The following SERPINF1 variants were observed in gnomAD, a reference collection of about 807,000 sequenced individuals.
The protein encoded by SERPINF1 is serpin family F member 1, also known as pigment epithelium-derived factor.
SERPINF1 carries 29 observed loss-of-function variants against 37.3 expected under a neutral mutation model. The ratio of observed to expected loss-of-function variants is 0.78; its 90% CI spans 0.58 to 1.06. The LOEUF (loss-of-function observed/expected upper bound fraction) is 1.06, where lower values mean the gene tolerates loss of function less well. Ranked by LOEUF, SERPINF1 falls within the 50% of genes least tolerant of loss-of-function variation. SERPINF1 has a pLI of 0.00. For missense variants in SERPINF1, 553 were observed against 532.2 expected (o/e 1.04, Z -0.38); for synonymous variants, 281 against 227.9 (o/e 1.23, Z -2.10).
intron 6 of SERPINF1, 46 bp from the exon 7 acceptor site, chr17:1,776,486 T>A: frequency 6.3e-7 from 1 of 1,591,788 alleles, no homozygotes; most frequent in South Asian, 1.1e-5. Flanking sequence ...TGTCCCCGGC[T>A]TTTGGGCTCT....
At chr17:1,770,451 T>G in intron 3 of SERPINF1, 1 of 201,378 alleles carries the variant, frequency 5.0e-6, no homozygotes, top group Non-Finnish European at 9.0e-6. Flanking sequence ...TACAGAATAG[T>G]CTTTTTTTTT....
At chr17:1,771,692 C>T in intron 4 of SERPINF1, 180 bp from the exon 5 acceptor site, 1 of 668,510 alleles carries the variant, frequency 1.5e-6, no homozygotes, top group Non-Finnish European at 2.7e-6. Flanking sequence ...GGGAAATCTG[C>T]TGCCCCCCTG....
At position 1,766,952 on chromosome 17, in the gene SERPINF1, C is replaced by G; in HGVS notation, c.42C>G (p.Leu14=). Residue 14 remains leucine, a synonymous_variant, in exon 2 of 8, where the codon CTC becomes CTG. Transcript: ENST00000254722. ...LVLLLCIGAL[L]GHSSCQNPAS... ...TACTCCTCTGCATTGGAGCCCTCCT[C>G]GGGCACAGCAGCTGCCAGAACCCTG... 6.4e-7 allele frequency: 1 copy of G among 1,564,374 alleles called. No individual in the cohort carries two copies. Among genetic ancestry groups the G allele is most frequent in the Non-Finnish European group, 8.7e-7 (1 of 1,154,276 alleles).
At chr17:1,773,373 G>A (rs1021855245) in intron 5 of SERPINF1, among the ~76,000 whole-genome samples, 8 of 152,142 alleles carry the variant, frequency 5.3e-5, no homozygotes, top group African/African-American at 1.9e-4. Flanking sequence ...AGCCTCCCGA[G>A]TAGTTGGGAT....
Position 1,766,987 on chromosome 17 carries a change from C to G in SERPINF1, c.77C>G (p.Pro26Arg), listed in dbSNP as rs997267726. Residue 26 changes from proline to arginine, a missense_variant, in exon 2 of 8, where the codon CCG (proline) becomes CGG (arginine). Physicochemically the swap from Pro to Arg is moderately radical, Grantham distance 103. Coordinates refer to ENST00000254722, the MANE Select transcript of SERPINF1 (RefSeq NM_002615.7). ...AGCTGCCAGAACCCTGCCAGCCCCC[C>G]GGAGGAGGTCAGTAGGCAGGCGGGG... is the stretch of plus-strand genomic sequence containing the variant. The part of the protein sequence containing the change: ...HSSCQNPASP[P>R]EEGSPDPDST... 5.0e-5 allele frequency: 78 copies of G among 1,553,818 alleles called. No individual in the cohort carries two copies. In the Middle Eastern group the frequency reaches 6.9e-4, roughly 14 times the overall value.
At chr17:1,769,695 TA>T in intron 2 of SERPINF1, 156 bp from the exon 3 acceptor site, 1 of 769,882 alleles carries the variant, frequency 1.3e-6, no homozygotes, top group Non-Finnish European at 2.3e-6. Flanking sequence ...GATCAGGGAG[TA>T]AAACTCATTC....
At chr17:1,767,886 A>T (rs781655425) in intron 2 of SERPINF1, among the ~76,000 whole-genome samples, 2 of 152,168 alleles carry the variant, frequency 1.3e-5, no homozygotes, top group Non-Finnish European at 2.9e-5. Context: ...CCTACTCGAC[A>T]GGGGCTGGCA....
chr17:1,764,515 A>G (rs1907256362), intron 1 of SERPINF1, among the ~76,000 whole-genome samples: 1 of 152,252 alleles, frequency 6.6e-6, no homozygotes, highest in Non-Finnish European at 1.5e-5. Flanking sequence ...CTGGCTGGGA[A>G]CGCAGAGGTC....
intron 2 of SERPINF1, chr17:1,769,559 G>C: frequency 2.1e-6 from 1 of 486,742 alleles, no homozygotes; most frequent in Non-Finnish European, 3.8e-6. Context: ...GGGAGGTGGA[G>C]GTTGCAGTGA....
At chr17:1,769,081 A>G (rs902400186) in intron 2 of SERPINF1, among the ~76,000 whole-genome samples, 22 of 150,684 alleles carry the variant, frequency 1.5e-4, no homozygotes, top group African/African-American at 4.9e-4. Context: ...TGCTGGGATT[A>G]TAGGTGTGAG....
chr17:1,774,445 G>A (rs1034964158), intron 5 of SERPINF1, among the ~76,000 whole-genome samples: 4 of 151,968 alleles, frequency 2.6e-5, no homozygotes, highest in African/African-American at 9.7e-5. Context: ...TGATCCATCC[G>A]CCTTGGCCTC....
intron 6 of SERPINF1, 97 bp downstream of exon 6, chr17:1,775,297 A>C: frequency 7.8e-7 from 1 of 1,278,286 alleles, no homozygotes. Flanking sequence ...GAGATCCGAC[A>C]GCTGTCTACA....
At chr17:1,776,064 C>T (rs549308222) in intron 6 of SERPINF1, among the ~76,000 whole-genome samples, 1 of 152,252 alleles carries the variant, frequency 6.6e-6, no homozygotes, top group Admixed American at 6.5e-5. Flanking sequence ...GGTTAAGAGC[C>T]TCTGTTCAAA....
chr17:1,774,856 A>G (rs1326067842), intron 5 of SERPINF1, among the ~76,000 whole-genome samples: 5 of 152,158 alleles, frequency 3.3e-5, no homozygotes, highest in African/African-American at 1.2e-4. Context: ...TTGCTGGTGA[A>G]GGGCACTTGG....
At chr17:1,766,873 G>T (rs1483774926) in intron 1 of SERPINF1, 30 bp from the exon 2 acceptor site, 1 of 1,544,462 alleles carries the variant, frequency 6.5e-7, no homozygotes, top group African/African-American at 1.4e-5. Flanking sequence ...TCGGGGGAGA[G>T]CGGCTTGCTG....
chr17:1,775,134 G>T lies in SERPINF1; in HGVS notation c.720G>T (p.Arg240Ser). Reference protein sequence around the residue: ...DFYLDEERTVRVPMMSDPKAV... With the variant: ...DFYLDEERTVSVPMMSDPKAV... Reference sequence around the variant, plus strand: ...ACTTGGATGAAGAGAGGACCGTGAGGGTCCCCATGATGTCGGACCCTAAGG... The same window carrying T: ...ACTTGGATGAAGAGAGGACCGTGAGTGTCCCCATGATGTCGGACCCTAAGG... Residue 240 changes from arginine to serine, a missense_variant, in exon 6 of 8, where the codon AGG (arginine) becomes AGT (serine). Physicochemically the swap from Arg to Ser is moderately radical, Grantham distance 110. Coordinates refer to ENST00000254722, the MANE Select transcript of SERPINF1 (RefSeq NM_002615.7). 6.2e-7 allele frequency: 1 copy of T among 1,614,074 alleles called. No homozygotes were observed. The highest frequency in any genetic ancestry group is 8.5e-7 in the Non-Finnish European group (1 of 1,180,038).
In SERPINF1 at chr17:1,776,684, T is replaced by C. The variant is rs2151212960; in HGVS notation, c.939T>C (p.Thr313=). Residue 313 remains threonine, a synonymous_variant, in exon 7 of 8, where the codon ACT becomes ACC. Coordinates refer to ENST00000254722, the MANE Select transcript of SERPINF1 (RefSeq NM_002615.7). ...TGAAGACCGTGCAGGCGGTCCTCACTGTCCCCAAGCTGAAGCTGAGTTATG... is the reference window on the plus strand; with the variant it reads ...TGAAGACCGTGCAGGCGGTCCTCACCGTCCCCAAGCTGAAGCTGAGTTATG... The part of the protein sequence containing the change: ...RELKTVQAVL[T]VPKLKLSYEG... 6.2e-7 allele frequency: 1 copy of C among 1,613,516 alleles called. No homozygotes were observed. Among genetic ancestry groups the C allele is most frequent in the Non-Finnish European group, 8.5e-7 (1 of 1,179,724 alleles).
Position 1,769,838 on chromosome 17 carries a change from CTGTCTCCTG to C in SERPINF1, c.85-13_85-5del. 3 of 1,614,156 alleles carry C rather than the reference CTGTCTCCTG, an allele frequency of 1.9e-6. No homozygotes were observed. Among genetic ancestry groups the C allele is most frequent in the Non-Finnish European group, 2.5e-6 (3 of 1,180,006 alleles). On this transcript the variant is annotated splice_region_variant and splice_polypyrimidine_tract_variant and intron_variant, in intron 2 of 7. Transcript: ENST00000254722. ...TCCCTGAACTCAAACCCAAGACTTC[CTGTCTCCTG>C]CCAGGGCTCCCCAGACCCCGACAGC...
Position 1,771,949 on chromosome 17 carries a change from C to T in SERPINF1, c.517C>T (p.Pro173Ser), listed in dbSNP as rs750794062. The change falls in exon 5 of 8, where the codon CCT (proline) becomes TCT (serine). Residue 173 changes from proline (P) to serine (S), a missense_variant. By Grantham distance (74) the Pro-to-Ser change is moderately conservative. Transcript: ENST00000254722. ...CAGGCCCAGAGTCCTGACGGGCAAC[C>T]CTCGCTTGGACCTGCAAGAGATCAA... ...GTRPRVLTGN[P>S]RLDLQEINNW... 13 of 1,613,982 alleles carry T rather than the reference C, an allele frequency of 8.1e-6. No individual in the cohort carries two copies. The Admixed American group carries it at 1.2e-4, about 14-fold the overall frequency.
Sources: allele counts gnomAD v4.1 joint callset (sites outside exome capture counted in the v4.1 genomes callset), GRCh38; gene constraint gnomAD v4.1.1; transcripts MANE v1.5; gene names NCBI Gene and HGNC (gene_info 2026-07-23, HGNC 2026-07-21).